PCDHA7: variants seen among roughly 807,000 people sequenced by gnomAD.
PCDHA7 encodes the protein protocadherin alpha 7.
PCDHA7 carries 37 observed loss-of-function variants against 57.2 expected under a neutral mutation model. The ratio of observed to expected loss-of-function variants is 0.65; its 90% CI spans 0.50 to 0.85. The LOEUF (loss-of-function observed/expected upper bound fraction) is 0.85. Ranked by LOEUF, PCDHA7 falls within the 40% of genes least tolerant of loss-of-function variation. The pLI is 0.00. For synonymous variants in PCDHA7, 553 were observed against 558.8 expected, an observed-to-expected ratio of 0.99 and a Z score of 0.15; for missense variants, 1,188 against 1,241.8, an observed-to-expected ratio of 0.96 and a Z score of 0.65.
chr5:140,974,701 A>G (rs1299087234), intron 1 of PCDHA7, among the ~76,000 whole-genome samples: 2 of 152,012 alleles, frequency 1.3e-5, no homozygotes, highest in Non-Finnish European at 2.9e-5. Flanking sequence ...GGGTTTCACC[A>G]TGTTGTTCAA....
At chr5:140,979,126 A>G in intron 2 of PCDHA7, 119 bp downstream of exon 2, 2 of 1,481,366 alleles carry the variant, frequency 1.4e-6, no homozygotes, top group South Asian at 1.4e-5. Context: ...GTACTTTGCC[A>G]GGAAAATGCA....
intron 1 of PCDHA7, among the ~76,000 whole-genome samples, chr5:140,952,265 G>A (rs1292970434): frequency 6.6e-6 from 1 of 151,556 alleles, no homozygotes; most frequent in African/African-American, 2.4e-5. Context: ...CCCATTCTGG[G>A]GTCTTGAGGG....
chr5:140,881,039 A>G (rs1554171692), intron 1 of PCDHA7, among the ~76,000 whole-genome samples: 1 of 152,262 alleles, frequency 6.6e-6, no homozygotes, highest in Non-Finnish European at 1.5e-5. Context: ...CATTTCCTAT[A>G]GAGTTGTGCA....
chr5:140,930,841 A>T (rs2087150671), intron 1 of PCDHA7, among the ~76,000 whole-genome samples: 1 of 152,230 alleles, frequency 6.6e-6, no homozygotes, highest in South Asian at 2.1e-4. Context: ...ATGAATAAAT[A>T]TGTGCATATA....
rs781992926 is a variant in PCDHA7 at position 140,990,008 on chromosome 5, G to A, written c.2503+7445G>A. On this transcript the variant is annotated intron_variant, in intron 3 of 3. Coordinates refer to ENST00000525929, the MANE Select transcript of PCDHA7 (RefSeq NM_018910.3). ...CCTGAAATTGTCTATCTCCAAGGGCGTGGGCTAGGCAAAGGATGGGAGAAG... is the reference window on the plus strand; with the variant it reads ...CCTGAAATTGTCTATCTCCAAGGGCATGGGCTAGGCAAAGGATGGGAGAAG... Among the ~76,000 whole-genome samples the A allele has an allele frequency of 2.8e-4, 43 of 152,230 alleles. 1 individual carries two copies. The highest frequency in any genetic ancestry group is 9.1e-4 in the African/African-American group (38 of 41,532).
chr5:140,930,702 A>T (rs1359159980), intron 1 of PCDHA7, among the ~76,000 whole-genome samples: 1 of 152,234 alleles, frequency 6.6e-6, no homozygotes, highest in African/African-American at 2.4e-5. Context: ...CTTGTAAGTT[A>T]TTCTTCCTCA....
At chr5:140,887,459 G>T (rs532781133) in intron 1 of PCDHA7, among the ~76,000 whole-genome samples, 4 of 152,126 alleles carry the variant, frequency 2.6e-5, no homozygotes, top group Non-Finnish European at 5.9e-5. Flanking sequence ...TTTTTTAAAA[G>T]ATATAATTCA....
chr5:140,860,639 G>A (rs2046488038), intron 1 of PCDHA7: 1 of 152,224 alleles, frequency 6.6e-6, no homozygotes, highest in Non-Finnish European at 1.5e-5. Flanking sequence ...AATCAGGAAC[G>A]AAGAAGATAA....
intron 1 of PCDHA7, chr5:140,968,340 A>G: frequency 6.2e-7 from 1 of 1,614,136 alleles, no homozygotes; most frequent in African/African-American, 1.3e-5. Context: ...GTCTCCATTA[A>G]CAGTGCCAGT....
intron 1 of PCDHA7, among the ~76,000 whole-genome samples, chr5:140,909,201 C>G (rs1379290108): frequency 6.6e-6 from 1 of 152,136 alleles, no homozygotes; most frequent in Non-Finnish European, 1.5e-5. Flanking sequence ...GACACAAAGC[C>G]GGAGAGTTGA....
Position 140,836,095 on chromosome 5 carries a change from G to A in PCDHA7, c.1712G>A (p.Gly571Asp), listed in dbSNP as rs2150252666. ...CCGGCACTGCTGGCGCCTCGGGTGG[G>A]TGGCACTGGTGGCGCAGTGAGAGAG... The part of the protein sequence containing the change: ...NAPALLAPRV[G>D]GTGGAVRELV... The change falls in exon 1 of 4, where the codon GGT (glycine) becomes GAT (aspartate). Residue 571 changes from glycine to aspartate, a missense_variant. Physicochemically the swap from Gly to Asp is moderately conservative, Grantham distance 94. Around this residue, in one of 3 missense-constraint regions of PCDHA7, gnomAD observed 892 missense variants for 788.5 expected, o/e 1.13. Transcript: ENST00000525929. 1.9e-5 allele frequency: 30 copies of A among 1,613,576 alleles called. 1 individual carries two copies. The highest frequency in any genetic ancestry group is 3.3e-4 in the Middle Eastern group (2 of 6,084).
rs140143048 is a variant in PCDHA7 at position 140,842,939 on chromosome 5, G to T, written c.2355+6201G>T. 2.5e-6 allele frequency: 4 copies of T among 1,594,572 alleles called. No homozygotes were observed. In the East Asian group the frequency reaches 8.9e-5, roughly 36 times the overall value. ...GCAGTTCCAGGTGAGCGCGCGCGACGCGGGCGTGCCGCCTCTGGGCAGCAA... is the reference window on the plus strand; with the variant it reads ...GCAGTTCCAGGTGAGCGCGCGCGACTCGGGCGTGCCGCCTCTGGGCAGCAA... On this transcript the variant is annotated intron_variant, in intron 1 of 3. Coordinates refer to ENST00000525929, the MANE Select transcript of PCDHA7 (RefSeq NM_018910.3).
chr5:140,966,409 G>C (rs1234170283), intron 1 of PCDHA7: 1 of 419,144 alleles, frequency 2.4e-6, no homozygotes, highest in African/African-American at 2.1e-5. Context: ...CGCGGAATCA[G>C]AGCAGGACTT....
chr5:140,862,658 G>A (rs547936781), intron 1 of PCDHA7: 19 of 545,608 alleles, frequency 3.5e-5, no homozygotes, highest in Admixed American at 1.9e-4. Flanking sequence ...GCGCGGGACC[G>A]GGACGCGCAG....
At position 140,870,584 on chromosome 5, in the gene PCDHA7, T is replaced by C. The variant is rs782563992; in HGVS notation, c.2355+33846T>C. The C allele has an allele frequency of 2.5e-6, 4 of 1,613,672 alleles. No homozygotes were observed. In the African/African-American group the frequency reaches 5.3e-5, roughly 22 times the overall value. On this transcript the variant is annotated intron_variant, in intron 1 of 3. Coordinates refer to ENST00000525929, the MANE Select transcript of PCDHA7 (RefSeq NM_018910.3). ...AACGCGCTGGTGTCCTACTCGCTGG[T>C]GGAGCGGCGGTTGGGCGACCGCGCG...
intron 1 of PCDHA7, chr5:140,848,198 C>A (rs891964710): frequency 3.2e-6 from 1 of 311,390 alleles, no homozygotes; most frequent in Non-Finnish European, 5.9e-6. Flanking sequence ...TCTGTTTCAA[C>A]AATCATTACT....
At chr5:140,869,558 T>A in intron 1 of PCDHA7, 1 of 1,614,200 alleles carries the variant, frequency 6.2e-7, no homozygotes, top group Non-Finnish European at 8.5e-7. Flanking sequence ...GACTCGCGTT[T>A]TCCACTAGAG....
rs2150348656 is a variant in PCDHA7, at chr5:140,842,958, G to A, written c.2355+6220G>A. On this transcript the variant is annotated intron_variant, in intron 1 of 3. Transcript: ENST00000525929. ...CGCGACGCGGGCGTGCCGCCTCTGG[G>A]CAGCAACGTGACGCTGCAGGTGTTC... 1.4e-5 allele frequency: 22 copies of A among 1,594,922 alleles called. 1 individual carries two copies. The South Asian group carries it at 2.2e-4, about 16-fold the overall frequency.
chr5:140,876,850 T>A, intron 1 of PCDHA7: 1 of 1,614,012 alleles, frequency 6.2e-7, no homozygotes, highest in Non-Finnish European at 8.5e-7. Flanking sequence ...GCAGCCCGAG[T>A]ACACAGTGTT....
Sources: gnomAD v4.1 joint callset for allele counts (sites outside exome capture counted in the v4.1 genomes callset) on GRCh38, gnomAD v4.1.1 for gene constraint, gnomAD v4.1.1 regional missense constraint, MANE v1.5 for transcripts, NCBI Gene and HGNC (gene_info 2026-07-23, HGNC 2026-07-21) for gene names.